The following RALGAPA1 variants were observed in gnomAD, a reference collection of about 807,000 sequenced individuals.
RALGAPA1 encodes the protein ral GTPase-activating protein subunit alpha-1.
RALGAPA1 carries 52 observed loss-of-function variants against 269.6 expected under a neutral mutation model. That is an observed-to-expected ratio of 0.19 (90% confidence interval 0.15 to 0.24). The LOEUF (loss-of-function observed/expected upper bound fraction) is 0.24. RALGAPA1 is among the 10% of genes least tolerant of loss of function. RALGAPA1 has a pLI of 1.00. For missense variants in RALGAPA1, 1,917 were observed against 3,013.9 expected (o/e 0.64, Z 8.52); for synonymous variants, 817 against 1,008.3 (o/e 0.81, Z 3.60).
chr14:35,613,552 G>T (rs1247370584), intron 35 of RALGAPA1, among the ~76,000 whole-genome samples: 1 of 152,182 alleles, frequency 6.6e-6, no homozygotes, highest in African/African-American at 2.4e-5. Flanking sequence ...CCTTCCAAAG[G>T]TTCTAGGGGA....
At chr14:35,776,056 T>C (rs935125512) in intron 1 of RALGAPA1, among the ~76,000 whole-genome samples, 5 of 152,130 alleles carry the variant, frequency 3.3e-5, no homozygotes, top group African/African-American at 1.2e-4. Flanking sequence ...TCCTAACTTC[T>C]CCCCAAGACA....
chr14:35,802,827 A>C (rs2077076657), intron 1 of RALGAPA1, among the ~76,000 whole-genome samples: 1 of 151,948 alleles, frequency 6.6e-6, no homozygotes, highest in African/African-American at 2.4e-5. Context: ...GATCCCAGGC[A>C]CACACTACCA....
intron 5 of RALGAPA1, 111 bp from the exon 6 acceptor site, chr14:35,761,117 A>T: frequency 1.4e-6 from 1 of 708,610 alleles, no homozygotes; most frequent in African/African-American, 1.8e-5. Flanking sequence ...TTCGAGAGGC[A>T]GGGTAGGGAA....
intron 38 of RALGAPA1, among the ~76,000 whole-genome samples, chr14:35,571,730 C>T (rs2057218406): frequency 6.6e-6 from 1 of 151,996 alleles, no homozygotes; most frequent in African/African-American, 2.4e-5. Flanking sequence ...CCACCACCAA[C>T]AAAATGTCTT....
intron 31 of RALGAPA1, among the ~76,000 whole-genome samples, chr14:35,640,077 A>G (rs1387371647): frequency 6.6e-6 from 1 of 152,178 alleles, no homozygotes; most frequent in African/African-American, 2.4e-5. Flanking sequence ...TATAGGATAC[A>G]GTGAAAGCAG....
intron 35 of RALGAPA1, among the ~76,000 whole-genome samples, chr14:35,611,667 C>T (rs564668403): frequency 6.6e-6 from 1 of 151,650 alleles, no homozygotes; most frequent in South Asian, 2.1e-4. Context: ...CCCAGGAGTT[C>T]CAGGCTGCAG....
Position 35,587,073 on chromosome 14 carries a change from C to A in RALGAPA1, c.7209+8561G>T, listed in dbSNP as rs535245499. ...TCTTTGTACCTCTGGTAGAATTCGGCTGTGAATCCGTCTGGTCCTGGACTG... is the reference window on the plus strand; with the variant it reads ...TCTTTGTACCTCTGGTAGAATTCGGATGTGAATCCGTCTGGTCCTGGACTG... On this transcript the variant is annotated intron_variant, in intron 37 of 41. Coordinates refer to ENST00000680220, the MANE Select transcript of RALGAPA1 (RefSeq NM_001346249.2). 2.0e-5 allele frequency among the ~76,000 whole-genome samples: 3 copies of A among 152,252 alleles called. No homozygotes were observed. The East Asian group carries it at 5.8e-4, about 29-fold the overall frequency.
intron 37 of RALGAPA1, among the ~76,000 whole-genome samples, chr14:35,590,299 T>C (rs762121319): frequency 1.3e-4 from 20 of 152,246 alleles, no homozygotes; most frequent in Non-Finnish European, 2.1e-4. Flanking sequence ...TTTTCCTAGC[T>C]ATTATCCATT....
intron 35 of RALGAPA1, among the ~76,000 whole-genome samples, chr14:35,606,756 TAA>T (rs200605816): frequency 1.4e-5 from 2 of 141,346 alleles, no homozygotes; most frequent in Admixed American, 7.0e-5. Context: ...ATGTAGGAAT[TAA>T]AAAAAAAAAA....
Position 35,771,960 on chromosome 14 carries a change from T to C in RALGAPA1, c.268-961A>G, listed in dbSNP as rs984945335. Among the ~76,000 whole-genome samples, 10 of 152,368 alleles carry C rather than the reference T, an allele frequency of 6.6e-5. No individual in the cohort carries two copies. In the East Asian group the frequency reaches 1.7e-3, roughly 26 times the overall value. On this transcript the variant is annotated intron_variant, in intron 3 of 41. Coordinates refer to ENST00000680220, the MANE Select transcript of RALGAPA1 (RefSeq NM_001346249.2). Reference sequence around the variant, plus strand: ...CCTATCTTGATAATCCTAGAGAAAGTATTTTGATTTCATGAGAACCCCATC... The same window carrying C: ...CCTATCTTGATAATCCTAGAGAAAGCATTTTGATTTCATGAGAACCCCATC...
chr14:35,711,144 T>TC (rs1286540519), intron 16 of RALGAPA1, among the ~76,000 whole-genome samples: 6 of 152,248 alleles, frequency 3.9e-5, no homozygotes, highest in Non-Finnish European at 8.8e-5. Context: ...CTTCTTATAG[T>TC]CAACATATAG....
chr14:35,648,608 C>T (rs2062614250), intron 31 of RALGAPA1, among the ~76,000 whole-genome samples: 1 of 151,468 alleles, frequency 6.6e-6, no homozygotes. Flanking sequence ...TCCTGACCAG[C>T]CTAGGCAACA....
At position 35,689,167 on chromosome 14, in the gene RALGAPA1, TTTC is replaced by T. The variant is rs1437371061; in HGVS notation, c.3241_3243del (p.Glu1081del). 4 of 1,233,606 alleles carry T rather than the reference TTTC, an allele frequency of 3.2e-6. No homozygotes were observed. Among genetic ancestry groups the T allele is most frequent in the Non-Finnish European group, 3.0e-6 (3 of 989,070 alleles). 76.4% of individuals were successfully genotyped at this position (1,233,606 alleles called of 1,614,324 possible). On this transcript the variant is annotated inframe_deletion, in exon 18 of 42. Transcript: ENST00000680220. ...TCATTAATTTGCACACTCTTAAGCT[TTTC>T]AACTAGTGTTACATCAACACAAGCA...
chr14:35,678,237 A>C, intron 21 of RALGAPA1, 135 bp from the exon 22 acceptor site: 3 of 716,474 alleles, frequency 4.2e-6, no homozygotes, highest in Non-Finnish European at 6.5e-6. Context: ...CAGGGAGGTC[A>C]AGAAAATCAT....
intron 33 of RALGAPA1, among the ~76,000 whole-genome samples, chr14:35,629,280 GGGGTGTGTGTGTGTGT>G (rs1233794636): frequency 2.6e-5 from 2 of 75,714 alleles, no homozygotes; most frequent in Admixed American, 3.2e-4. Flanking sequence ...GGATGTTTAG[GGGGTGTGTGTGTGTGT>G]GTGTGTGTGT....
At chr14:35,764,467 T>A (rs2073981493) in intron 4 of RALGAPA1, among the ~76,000 whole-genome samples, 1 of 152,178 alleles carries the variant, frequency 6.6e-6, no homozygotes, top group South Asian at 2.1e-4. Context: ...AAATACATTA[T>A]CCCAAACAAT....
At chr14:35,631,414 A>G (rs1032683492) in intron 33 of RALGAPA1, among the ~76,000 whole-genome samples, 3 of 152,218 alleles carry the variant, frequency 2.0e-5, no homozygotes, top group African/African-American at 7.2e-5. Context: ...AATAAAAAGC[A>G]AAGATCAATG....
intron 1 of RALGAPA1, among the ~76,000 whole-genome samples, chr14:35,780,213 AC>A (rs2075339049): frequency 2.0e-5 from 3 of 152,134 alleles, no homozygotes; most frequent in Non-Finnish European, 4.4e-5. Context: ...TAACAACAGA[AC>A]TCCCAACCCC....
chr14:35,654,337 G>T (rs1264078077), intron 30 of RALGAPA1, 30 bp downstream of exon 30: 1 of 1,549,702 alleles, frequency 6.5e-7, no homozygotes, highest in Admixed American at 2.1e-5. Flanking sequence ...ATTTAACAAG[G>T]TCATAATAAA....
Sources: allele counts gnomAD v4.1 joint callset (sites outside exome capture counted in the v4.1 genomes callset), GRCh38; gene constraint gnomAD v4.1.1; transcripts MANE v1.5; gene names NCBI Gene and HGNC (gene_info 2026-07-23, HGNC 2026-07-21).